NELL2: variants seen among roughly 807,000 people sequenced by gnomAD.
NELL2 encodes the protein neural EGFL like 2, also known as protein kinase C-binding protein NELL2.
NELL2 carries 41 observed loss-of-function variants against 109.6 expected under a neutral mutation model. That is an observed-to-expected ratio of 0.37 (90% confidence interval 0.29 to 0.49). The LOEUF (loss-of-function observed/expected upper bound fraction) is 0.49. Ranked by LOEUF, NELL2 falls within the 20% of genes least tolerant of loss-of-function variation. NELL2 has a pLI of 0.98. For synonymous variants in NELL2, 355 were observed against 344.7 expected (o/e 1.03, Z -0.33); for missense variants, 900 against 1,008.3 (o/e 0.89, Z 1.45).
chr12:44,648,162 C>G (rs1947164331), intron 13 of NELL2, among the ~76,000 whole-genome samples: 1 of 152,176 alleles, frequency 6.6e-6, no homozygotes, highest in African/African-American at 2.4e-5. Context: ...GTTGGAAGCA[C>G]TGAAGCTTCC....
At chr12:44,674,284 A>G (rs1205981589) in intron 12 of NELL2, among the ~76,000 whole-genome samples, 1 of 152,210 alleles carries the variant, frequency 6.6e-6, no homozygotes, top group East Asian at 1.9e-4. Flanking sequence ...ATTTACATGA[A>G]TAACAACATG....
intron 1 of NELL2, among the ~76,000 whole-genome samples, chr12:44,898,134 T>A (rs1303447828): frequency 6.6e-6 from 1 of 152,004 alleles, no homozygotes; most frequent in Admixed American, 6.6e-5. Flanking sequence ...AAAACTCCCA[T>A]CTCCCTGGGA....
At chr12:44,655,041 C>T (rs547777671) in intron 13 of NELL2, among the ~76,000 whole-genome samples, 4 of 152,296 alleles carry the variant, frequency 2.6e-5, no homozygotes, top group African/African-American at 4.8e-5. Flanking sequence ...TATTACACTC[C>T]GGGCATGTAT....
At chr12:44,866,277 T>C (rs892846064) in intron 2 of NELL2, among the ~76,000 whole-genome samples, 5 of 152,148 alleles carry the variant, frequency 3.3e-5, no homozygotes, top group African/African-American at 1.2e-4. Context: ...TTAAAGTAGA[T>C]ATGAAACTAG....
At chr12:44,670,816 T>C (rs1948113859) in intron 12 of NELL2, among the ~76,000 whole-genome samples, 1 of 152,098 alleles carries the variant, frequency 6.6e-6, no homozygotes, top group African/African-American at 2.4e-5. Context: ...AATACTATTA[T>C]AGCTAAAGAG....
chr12:44,523,759 C>A, intron 16 of NELL2: 2 of 390,538 alleles, frequency 5.1e-6, no homozygotes, highest in East Asian at 1.0e-4. Flanking sequence ...CTTTATGAAA[C>A]ATTTTTATTT....
chr12:44,620,962 A>C (rs1352751884), intron 13 of NELL2, among the ~76,000 whole-genome samples: 1 of 151,946 alleles, frequency 6.6e-6, no homozygotes, highest in Non-Finnish European at 1.5e-5. Flanking sequence ...CCTCTCTCTT[A>C]ATTTTGCTAT....
At chr12:44,617,390 A>G (rs1001087202) in intron 13 of NELL2, among the ~76,000 whole-genome samples, 9 of 152,108 alleles carry the variant, frequency 5.9e-5, no homozygotes, top group Non-Finnish European at 2.9e-5. Flanking sequence ...TAGGATCTCT[A>G]TGAAAAAGCA....
chr12:44,647,123 A>C (rs566189351), intron 13 of NELL2, among the ~76,000 whole-genome samples: 73 of 152,290 alleles, frequency 4.8e-4, no homozygotes, highest in African/African-American at 1.5e-3. Flanking sequence ...ACCAAAAACC[A>C]AGAGCATAGA....
chr12:44,814,063 T>C (rs1018299131), intron 3 of NELL2, among the ~76,000 whole-genome samples: 1 of 152,184 alleles, frequency 6.6e-6, no homozygotes, highest in Non-Finnish European at 1.5e-5. Flanking sequence ...TGTTCGACCC[T>C]GGGAACCAAT....
Position 44,813,340 on chromosome 12 carries a change from A to G in NELL2, c.335+2646T>C, listed in dbSNP as rs181110641. 2.0e-5 allele frequency among the ~76,000 whole-genome samples: 3 copies of G among 152,350 alleles called. No individual in the cohort carries two copies. In the East Asian group the frequency reaches 5.8e-4, roughly 29 times the overall value. Reference sequence around the variant, plus strand: ...AAATCTAAATTATTTTCCACATCATAGAATGATATACTATATCTCAAATAT... The same window carrying G: ...AAATCTAAATTATTTTCCACATCATGGAATGATATACTATATCTCAAATAT... On this transcript the variant is annotated intron_variant, in intron 3 of 19. Coordinates refer to ENST00000429094, the MANE Select transcript of NELL2 (RefSeq NM_001145108.2).
chr12:44,840,367 C>T (rs184642505), intron 2 of NELL2, among the ~76,000 whole-genome samples: 52 of 152,242 alleles, frequency 3.4e-4, no homozygotes, highest in Middle Eastern at 3.4e-3. Flanking sequence ...GCCACTATAA[C>T]CAAAAAGTTA....
chr12:44,564,840 G>T (rs1286691319), intron 15 of NELL2, among the ~76,000 whole-genome samples: 1 of 152,020 alleles, frequency 6.6e-6, no homozygotes, highest in Non-Finnish European at 1.5e-5. Flanking sequence ...TAATTCCTGT[G>T]CATTTGCTAT....
At chr12:44,509,278 A>G (rs779401122) in intron 19 of NELL2, among the ~76,000 whole-genome samples, 7 of 152,226 alleles carry the variant, frequency 4.6e-5, no homozygotes, top group Non-Finnish European at 1.0e-4. Context: ...AGCACTAAGT[A>G]TATTAATAAA....
chr12:44,540,603 A>C (rs542936368), intron 15 of NELL2, among the ~76,000 whole-genome samples: 1 of 152,038 alleles, frequency 6.6e-6, no homozygotes, highest in Non-Finnish European at 1.5e-5. Flanking sequence ...GTTACCCTCA[A>C]AGGGCAGAGT....
At chr12:44,538,378 A>T (rs1183890863) in intron 15 of NELL2, among the ~76,000 whole-genome samples, 1 of 152,252 alleles carries the variant, frequency 6.6e-6, no homozygotes, top group Non-Finnish European at 1.5e-5. Flanking sequence ...GGCTCGTAAG[A>T]GGTATCTAAT....
intron 15 of NELL2, among the ~76,000 whole-genome samples, chr12:44,541,943 G>A (rs1415832059): frequency 2.0e-5 from 3 of 152,156 alleles, no homozygotes; most frequent in African/African-American, 7.2e-5. Context: ...TCTAAGCCCA[G>A]ATATTTTAGA....
intron 15 of NELL2, among the ~76,000 whole-genome samples, chr12:44,561,075 A>C (rs914491947): frequency 2.0e-4 from 30 of 152,236 alleles, no homozygotes; most frequent in Middle Eastern, 3.2e-3. Flanking sequence ...AGCAATGACC[A>C]AAACCACATG....
At chr12:44,847,753 C>T (rs921891405) in intron 2 of NELL2, among the ~76,000 whole-genome samples, 11 of 151,674 alleles carry the variant, frequency 7.3e-5, no homozygotes, top group Non-Finnish European at 1.3e-4. Context: ...AGAGAGGGAG[C>T]TGTATTAAAT....
Sources: gnomAD v4.1 joint callset for allele counts (sites outside exome capture counted in the v4.1 genomes callset) on GRCh38, gnomAD v4.1.1 for gene constraint, MANE v1.5 for transcripts, NCBI Gene and HGNC (gene_info 2026-07-23, HGNC 2026-07-21) for gene names.